LHFPL3: variants seen among roughly 807,000 people sequenced by gnomAD.
LHFPL3 encodes the protein LHFPL tetraspan subfamily member 3, also known as LHFPL tetraspan subfamily member 3 protein.
In LHFPL3, 5 loss-of-function variants were observed where a neutral mutation model predicts 19.3. That is an observed-to-expected ratio of 0.26 (90% CI 0.14 to 0.54). The LOEUF is 0.54. LHFPL3 is among the 20% of genes least tolerant of loss of function. The pLI, the probability that LHFPL3 is intolerant of heterozygous loss-of-function variation, is 0.94. For synonymous variants in LHFPL3, 133 were observed against 126.2 expected (o/e 1.05, Z -0.36); for missense variants, 249 against 307.4 (o/e 0.81, Z 1.42).
rs1176991788 is a variant in LHFPL3 at position 104,367,663 on chromosome 7, G to A, written c.445+38439G>A. The stretch of plus-strand genomic sequence containing the variant: ...TATATTTTCCAACTTGGAAATTCTG[G>A]ATCTATTCACATAATATTAGAAAAA... On this transcript the variant is annotated intron_variant, in intron 1 of 2. Coordinates refer to ENST00000424859, the MANE Select transcript of LHFPL3 (RefSeq NM_199000.3). Among the ~76,000 whole-genome samples the A allele has an allele frequency of 2.6e-5, 4 of 152,114 alleles. No individual in the cohort carries two copies. The South Asian group carries it at 8.3e-4, about 31-fold the overall frequency.
intron 1 of LHFPL3, among the ~76,000 whole-genome samples, chr7:104,417,572 C>T (rs1043657446): frequency 6.6e-6 from 1 of 152,124 alleles, no homozygotes; most frequent in Non-Finnish European, 1.5e-5. Context: ...TATATTTAAA[C>T]AAGTACTTTT....
intron 1 of LHFPL3, among the ~76,000 whole-genome samples, chr7:104,368,536 C>G (rs1790541404): frequency 6.6e-6 from 1 of 152,132 alleles, no homozygotes; most frequent in South Asian, 2.1e-4. Flanking sequence ...ACCAGTACTT[C>G]TTGGCTCTTT....
chr7:104,387,074 A>C (rs1469622940), intron 1 of LHFPL3, among the ~76,000 whole-genome samples: 2 of 152,212 alleles, frequency 1.3e-5, no homozygotes, highest in Admixed American at 6.5e-5. Flanking sequence ...TAAATCAGCT[A>C]TTACAAATAT....
intron 1 of LHFPL3, among the ~76,000 whole-genome samples, chr7:104,461,536 G>T (rs776756316): frequency 1.3e-5 from 2 of 152,072 alleles, no homozygotes; most frequent in Non-Finnish European, 2.9e-5. Context: ...TTATTTTGGG[G>T]CTCTCTATTC....
chr7:104,840,601 G>T (rs1270855430), intron 2 of LHFPL3, among the ~76,000 whole-genome samples: 1 of 147,320 alleles, frequency 6.8e-6, no homozygotes, highest in Non-Finnish European at 1.5e-5. Flanking sequence ...TTACGGGCAG[G>T]AGCTACCACT....
intron 2 of LHFPL3, among the ~76,000 whole-genome samples, chr7:104,789,080 C>G (rs796531387): frequency 6.6e-6 from 1 of 152,122 alleles, no homozygotes; most frequent in Admixed American, 6.5e-5. Flanking sequence ...CTCCAAAACA[C>G]ACAATACAGC....
intron 1 of LHFPL3, among the ~76,000 whole-genome samples, chr7:104,632,942 T>C (rs1791670457): frequency 6.6e-6 from 1 of 152,128 alleles, no homozygotes; most frequent in African/African-American, 2.4e-5. Context: ...GCATGAGTCA[T>C]GATAGGGGGT....
intron 2 of LHFPL3, among the ~76,000 whole-genome samples, chr7:104,740,713 GAACAGTATAGGGGA>G (rs1422175573): frequency 6.6e-6 from 1 of 152,140 alleles, no homozygotes; most frequent in East Asian, 1.9e-4. Context: ...ATTATCACGA[GAACAGTATAGGGGA>G]AACCGCCCCC....
At chr7:104,350,689 A>G (rs1310995980) in intron 1 of LHFPL3, among the ~76,000 whole-genome samples, 1 of 152,198 alleles carries the variant, frequency 6.6e-6, no homozygotes, top group African/African-American at 2.4e-5. Context: ...TTAAATATAT[A>G]ATCTATCAGG....
chr7:104,422,098 C>T (rs1791743973), intron 1 of LHFPL3, among the ~76,000 whole-genome samples: 1 of 152,294 alleles, frequency 6.6e-6, no homozygotes, highest in Admixed American at 6.5e-5. Flanking sequence ...CAGTGGCTCA[C>T]GCCTGTAATC....
At chr7:104,634,770 T>TGCTGTG (rs1476187923) in intron 1 of LHFPL3, among the ~76,000 whole-genome samples, 14 of 152,182 alleles carry the variant, frequency 9.2e-5, no homozygotes, top group Non-Finnish European at 1.9e-4. Flanking sequence ...GCTATCCTGT[T>TGCTGTG]GCTGTGGCTG....
intron 2 of LHFPL3, among the ~76,000 whole-genome samples, chr7:104,852,900 C>T (rs1791438719): frequency 6.6e-6 from 1 of 152,140 alleles, no homozygotes; most frequent in Non-Finnish European, 1.5e-5. Flanking sequence ...GGGTTCTCAG[C>T]CCACTCTCTT....
chr7:104,800,172 G>T (rs1790216876), intron 2 of LHFPL3: 4 of 152,176 alleles, frequency 2.6e-5, no homozygotes, highest in Admixed American at 2.6e-4. Context: ...CCTTTAAAAA[G>T]CTACCGCATC....
intron 2 of LHFPL3, among the ~76,000 whole-genome samples, chr7:104,751,477 A>G (rs1562982360): frequency 6.7e-6 from 1 of 149,350 alleles, no homozygotes; most frequent in Non-Finnish European, 1.5e-5. Context: ...TAGTACTCCA[A>G]TTTTGACCTA....
chr7:104,438,843 C>T (rs985124647), intron 1 of LHFPL3, among the ~76,000 whole-genome samples: 1 of 151,904 alleles, frequency 6.6e-6, no homozygotes, highest in Non-Finnish European at 1.5e-5. Context: ...ATTGTTAAAT[C>T]TCTATCAAAA....
intron 1 of LHFPL3, among the ~76,000 whole-genome samples, chr7:104,534,627 A>C (rs954895603): frequency 1.3e-5 from 2 of 152,200 alleles, no homozygotes; most frequent in African/African-American, 4.8e-5. Context: ...CACTAATTCA[A>C]TGTATTCCTT....
chr7:104,394,771 G>A (rs1476684237), intron 1 of LHFPL3, among the ~76,000 whole-genome samples: 2 of 151,700 alleles, frequency 1.3e-5, no homozygotes, highest in South Asian at 4.2e-4. Flanking sequence ...CACAATCTCA[G>A]CTGATTGCAC....
chr7:104,349,199 A>G (rs1198406124), intron 1 of LHFPL3, among the ~76,000 whole-genome samples: 12 of 152,252 alleles, frequency 7.9e-5, no homozygotes, highest in East Asian at 7.7e-4. Flanking sequence ...AATTAATTCA[A>G]GTCTCCTTCA....
chr7:104,830,572 C>G (rs1790931265), intron 2 of LHFPL3, among the ~76,000 whole-genome samples: 2 of 151,854 alleles, frequency 1.3e-5, no homozygotes, highest in Admixed American at 1.3e-4. Flanking sequence ...TTTCCCAGCA[C>G]CATTTATTAA....
Sources: allele counts gnomAD v4.1 joint callset (sites outside exome capture counted in the v4.1 genomes callset), GRCh38; gene constraint gnomAD v4.1.1; transcripts MANE v1.5; gene names NCBI Gene and HGNC (gene_info 2026-07-23, HGNC 2026-07-21).